The following TXNDC16 variants were observed in gnomAD, a reference collection of about 807,000 sequenced individuals.
The protein encoded by TXNDC16 is thioredoxin domain containing 16.
Under a neutral mutation model 85.6 loss-of-function variants are expected in TXNDC16, and 74 were observed. That is an observed-to-expected ratio of 0.86 (90% CI 0.72 to 1.05). TXNDC16 has a LOEUF of 1.05. Ranked by LOEUF, TXNDC16 falls within the 50% of genes least tolerant of loss-of-function variation. TXNDC16 has a pLI of 0.00. For synonymous variants in TXNDC16, 335 were observed against 326.5 expected (o/e 1.03, Z -0.28); for missense variants, 959 against 947.0 (o/e 1.01, Z -0.17).
intron 6 of TXNDC16, among the ~76,000 whole-genome samples, chr14:52,526,138 T>A (rs1477659660): frequency 1.3e-5 from 2 of 152,170 alleles, no homozygotes; most frequent in Non-Finnish European, 2.9e-5. Flanking sequence ...GAAGTAAAAT[T>A]TTCCTCACAT....
intron 14 of TXNDC16, 112 bp from the exon 15 acceptor site, chr14:52,470,792 A>G (rs958588040): frequency 7.7e-5 from 71 of 926,878 alleles, no homozygotes; most frequent in Non-Finnish European, 8.6e-5. Flanking sequence ...AGCATGAAAC[A>G]CTCCTGCTTA....
chr14:52,448,192 G>T (rs2035328674), intron 18 of TXNDC16, among the ~76,000 whole-genome samples: 1 of 151,700 alleles, frequency 6.6e-6, no homozygotes, highest in Non-Finnish European at 1.5e-5. Context: ...CCAAGCACAA[G>T]GTTATAAAAC....
At chr14:52,477,359 T>A (rs1292099101) in intron 14 of TXNDC16, among the ~76,000 whole-genome samples, 1 of 152,106 alleles carries the variant, frequency 6.6e-6, no homozygotes, top group African/African-American at 2.4e-5. Context: ...GCCTAAATGC[T>A]CCACTTAAGA....
chr14:52,524,078 G>A (rs1168676413), intron 6 of TXNDC16, among the ~76,000 whole-genome samples: 1 of 152,188 alleles, frequency 6.6e-6, no homozygotes, highest in Non-Finnish European at 1.5e-5. Context: ...TATTGTGTAG[G>A]AACAAATCTG....
At chr14:52,530,251 T>C (rs1166793158) in intron 6 of TXNDC16, among the ~76,000 whole-genome samples, 2 of 38,782 alleles carry the variant, frequency 5.2e-5, no homozygotes, top group African/African-American at 3.4e-4. Context: ...ATATATAATA[T>C]ATATTATATA....
intron 6 of TXNDC16, among the ~76,000 whole-genome samples, chr14:52,531,756 T>C (rs2037586073): frequency 6.6e-6 from 1 of 152,294 alleles, no homozygotes; most frequent in East Asian, 1.9e-4. Context: ...TCAAAACTTA[T>C]AGAATGTAGA....
chr14:52,498,518 C>T (rs1175196112), intron 9 of TXNDC16, among the ~76,000 whole-genome samples: 1 of 151,810 alleles, frequency 6.6e-6, no homozygotes, highest in Non-Finnish European at 1.5e-5. Flanking sequence ...TTTCTATACA[C>T]TAATAATGAG....
intron 13 of TXNDC16, among the ~76,000 whole-genome samples, 184 bp from the exon 14 acceptor site, chr14:52,482,473 G>A (rs1342190869): frequency 2.6e-5 from 4 of 151,968 alleles, no homozygotes; most frequent in South Asian, 2.1e-4. Context: ...CTGATTTTCC[G>A]CACTTGTACT....
At chr14:52,445,111 T>C (rs905212104) in intron 18 of TXNDC16, among the ~76,000 whole-genome samples, 11 of 152,308 alleles carry the variant, frequency 7.2e-5, no homozygotes, top group African/African-American at 2.6e-4. Flanking sequence ...AGAAAAGTTA[T>C]GGTTGATTAT....
intron 7 of TXNDC16, among the ~76,000 whole-genome samples, chr14:52,518,132 A>C (rs1278051608): frequency 6.6e-6 from 1 of 152,064 alleles, no homozygotes; most frequent in Non-Finnish European, 1.5e-5. Context: ...TGTCTCCTTT[A>C]CTGGTTCATC....
At chr14:52,508,200 A>T (rs1435701861) in intron 9 of TXNDC16, among the ~76,000 whole-genome samples, 5 of 152,212 alleles carry the variant, frequency 3.3e-5, no homozygotes, top group Non-Finnish European at 7.3e-5. Context: ...ATCTACAATG[A>T]ACTCAAACAA....
At chr14:52,541,512 C>T (rs766512185) in intron 4 of TXNDC16, among the ~76,000 whole-genome samples, 6 of 152,122 alleles carry the variant, frequency 3.9e-5, no homozygotes, top group Non-Finnish European at 5.9e-5. Context: ...GATCTCTATA[C>T]GTACAGAATT....
chr14:52,505,429 A>T (rs555315791), intron 9 of TXNDC16, among the ~76,000 whole-genome samples: 15 of 152,360 alleles, frequency 9.8e-5, no homozygotes, highest in Non-Finnish European at 1.6e-4. Context: ...AAACCGCTCA[A>T]CTACATGGAA....
chr14:52,490,714 T>G (rs2036380262), intron 10 of TXNDC16, 125 bp downstream of exon 10: 11 of 1,093,120 alleles, frequency 1.0e-5, no homozygotes, highest in Non-Finnish European at 1.3e-5. Context: ...CAGCAACTAG[T>G]TCTAACTATA....
chr14:52,450,150 G>C (rs1193563461), intron 18 of TXNDC16, among the ~76,000 whole-genome samples: 2 of 151,892 alleles, frequency 1.3e-5, no homozygotes, highest in African/African-American at 4.8e-5. Flanking sequence ...GAAACAAGTT[G>C]GTTTTCCGAA....
intron 18 of TXNDC16, among the ~76,000 whole-genome samples, chr14:52,453,142 A>G (rs1043848471): frequency 1.3e-5 from 2 of 152,188 alleles, no homozygotes; most frequent in Non-Finnish European, 2.9e-5. Flanking sequence ...GTATTATTCC[A>G]TTCCAGTTAA....
In TXNDC16 at chr14:52,461,286, T is replaced by C. The variant is rs549840476; in HGVS notation, c.1619-4112A>G. On this transcript the variant is annotated intron_variant, in intron 16 of 20. Transcript: ENST00000281741. Reference sequence around the variant, plus strand: ...GAAATTAATTTTGAACTGTTTTATATCAATATTTGTAGATGAAAATCATTT... The same window carrying C: ...GAAATTAATTTTGAACTGTTTTATACCAATATTTGTAGATGAAAATCATTT... Among the ~76,000 whole-genome samples the C allele has an allele frequency of 7.2e-5, 11 of 152,110 alleles. No individual in the cohort carries two copies. The South Asian group carries it at 2.3e-3, about 32-fold the overall frequency.
In TXNDC16 at chr14:52,488,366, T is replaced by C. The variant is rs764274384; in HGVS notation, c.1105A>G (p.Ile369Val). 4 of 1,613,334 alleles carry C rather than the reference T, an allele frequency of 2.5e-6. No homozygotes were observed. The African/African-American group carries it at 4.0e-5, about 16-fold the overall frequency. The change falls in exon 12 of 21, where the codon ATA becomes GTA. Residue 369 changes from isoleucine (I) to valine (V), a missense_variant. Transcript: ENST00000281741. ...DEDNDMEGPD[I>V]DVQDDEVAET... Reference sequence around the variant, plus strand: ...GGTGAGAATCATAACACATTACCTATATCTGGACCTTCCATGTCATTGTCT... The same window carrying C: ...GGTGAGAATCATAACACATTACCTACATCTGGACCTTCCATGTCATTGTCT...
chr14:52,484,119 G>T (rs574222731), intron 12 of TXNDC16, among the ~76,000 whole-genome samples: 1 of 150,708 alleles, frequency 6.6e-6, no homozygotes. Flanking sequence ...ATGTTAAAAA[G>T]GAAAATCCTT....
Sources: gnomAD v4.1 joint callset for allele counts (sites outside exome capture counted in the v4.1 genomes callset) on GRCh38, gnomAD v4.1.1 for gene constraint, MANE v1.5 for transcripts, NCBI Gene and HGNC (gene_info 2026-07-23, HGNC 2026-07-21) for gene names.